Variants in ELF5 observed in about 807,000 individuals in gnomAD.
ELF5 encodes the protein E74 like ETS transcription factor 5.
Under a neutral mutation model 38.2 loss-of-function variants are expected in ELF5, and 31 were observed. The observed-to-expected ratio is 0.81, with a 90% CI of 0.61 to 1.10. The LOEUF (loss-of-function observed/expected upper bound fraction) is 1.10, where lower values mean the gene tolerates loss of function less well. ELF5 is among the 50% of genes least tolerant of loss of function. ELF5 has a pLI of 0.00. For synonymous variants in ELF5, 121 were observed against 112.5 expected (o/e 1.08, Z -0.48); for missense variants, 300 against 306.6 (o/e 0.98, Z 0.16).
chr11:34,498,384 T>C (rs1206957647), intron 2 of ELF5, among the ~76,000 whole-genome samples: 1 of 152,212 alleles, frequency 6.6e-6, no homozygotes, highest in Non-Finnish European at 1.5e-5. Context: ...CCAGCTGCTT[T>C]GTCCCTTTCT....
intron 1 of ELF5, among the ~76,000 whole-genome samples, chr11:34,510,339 G>A (rs1850722520): frequency 6.7e-6 from 1 of 150,036 alleles, no homozygotes; most frequent in Admixed American, 6.6e-5. Flanking sequence ...TGTTACAGCA[G>A]GAGTGGGTGT....
chr11:34,480,083 G>T lies in ELF5; in HGVS notation c.*135C>A. 1.4e-6 allele frequency: 1 copy of T among 699,514 alleles called. No homozygotes were observed. Among genetic ancestry groups the T allele is most frequent in the Non-Finnish European group, 2.4e-6 (1 of 417,934 alleles). The allele number at this position is 699,514 out of a possible 1,614,324, so 43.3% of individuals were successfully genotyped here. A position where few individuals can be genotyped will look rare whatever the true frequency, so the allele number is the denominator to read the frequency against. On this transcript the variant is annotated 3_prime_UTR_variant, in exon 7 of 7. Coordinates refer to ENST00000257832, the MANE Select transcript of ELF5 (RefSeq NM_001422.4). ...AACTCTGAATCCAAATGTAAGCTGA[G>T]ATGTGGAGAAATTTTATCAGCATGT...
At chr11:34,512,104 G>A (rs1183073711) in intron 1 of ELF5, among the ~76,000 whole-genome samples, 1 of 152,148 alleles carries the variant, frequency 6.6e-6, no homozygotes, top group Non-Finnish European at 1.5e-5. Context: ...GCAAGGGAGG[G>A]TCAATTTCCC....
In ELF5 at chr11:34,480,143, C is replaced by T. The variant is rs1856899446; in HGVS notation, c.*75G>A. The T allele has an allele frequency of 8.1e-7, 1 of 1,232,958 alleles. No homozygotes were observed. 76.4% of individuals were successfully genotyped at this position (1,232,958 alleles called of 1,614,324 possible). ...AAAAAAAAAGAGAAGAAAATGAAGC[C>T]TTTCGAATGTCTATTGCAATCTGAT... On this transcript the variant is annotated 3_prime_UTR_variant, in exon 7 of 7. Transcript: ENST00000257832.
In ELF5 at chr11:34,500,513, CAGG is replaced by C. The variant is rs1269466528; in HGVS notation, c.121+5113_121+5115del. On this transcript the variant is annotated intron_variant, in intron 2 of 6. Coordinates refer to ENST00000257832, the MANE Select transcript of ELF5 (RefSeq NM_001422.4). ...AGCATAGGAAACTGTATAGAGAAAA[CAGG>C]AGAAGGGCTGGCTGCAAAGTAGCCA... Among the ~76,000 whole-genome samples the C allele has an allele frequency of 3.3e-5, 5 of 152,174 alleles. No individual in the cohort carries two copies. In the South Asian group the frequency reaches 1.0e-3, roughly 31 times the overall value.
At chr11:34,484,728 A>C (rs937248140) in intron 4 of ELF5, among the ~76,000 whole-genome samples, 5 of 152,114 alleles carry the variant, frequency 3.3e-5, no homozygotes, top group African/African-American at 1.2e-4. Context: ...TGCACATTAG[A>C]TAGGCCTTTC....
intron 6 of ELF5, 49 bp from the exon 7 acceptor site, chr11:34,480,363 A>G (rs1213554648): frequency 3.6e-6 from 5 of 1,399,132 alleles, no homozygotes; most frequent in Non-Finnish European, 5.1e-6. Flanking sequence ...GCACCCTAGG[A>G]AAACAACAGA....
chr11:34,482,499 T>A lies in ELF5; in HGVS notation c.407A>T (p.Tyr136Phe). Residue 136 changes from tyrosine to phenylalanine, a missense_variant and splice_region_variant, in exon 5 of 7, where the codon TAT becomes TTT. Coordinates refer to ENST00000257832, the MANE Select transcript of ELF5 (RefSeq NM_001422.4). ...AEESKATIKD[Y>F]ADSNCLKTSG... ...TGTTTTCAAGCAGTTGGAATCAGCA[T>A]CTGAAATAGAATAATTTATAGCAGT... The A allele has an allele frequency of 6.2e-7, 1 of 1,612,192 alleles. No homozygotes were observed. The highest frequency in any genetic ancestry group is 8.5e-7 in the Non-Finnish European group (1 of 1,179,328).
intron 4 of ELF5, among the ~76,000 whole-genome samples, chr11:34,485,765 G>A (rs1166742159): frequency 6.6e-6 from 1 of 152,128 alleles, no homozygotes. Context: ...GTGGTGGCAG[G>A]GGCAGGGGGC....
At chr11:34,490,945 C>T (rs1270189112) in intron 3 of ELF5, among the ~76,000 whole-genome samples, 1 of 152,104 alleles carries the variant, frequency 6.6e-6, no homozygotes, top group Non-Finnish European at 1.5e-5. Context: ...GGAAGCCAAC[C>T]TCTGACCTTG....
chr11:34,511,540 G>T (rs753068525), intron 1 of ELF5: 1 of 1,614,232 alleles, frequency 6.2e-7, no homozygotes, highest in Admixed American at 1.7e-5. Context: ...TTGGCTGCAG[G>T]TACCTGTGGG....
chr11:34,488,754 C>T (rs1850077093), intron 4 of ELF5, among the ~76,000 whole-genome samples: 1 of 152,188 alleles, frequency 6.6e-6, no homozygotes, highest in African/African-American at 2.4e-5. Context: ...GACACTGACC[C>T]CTGGAGAAAG....
chr11:34,495,691 T>C, intron 2 of ELF5, among the ~76,000 whole-genome samples: 1 of 152,236 alleles, frequency 6.6e-6, no homozygotes, highest in East Asian at 1.9e-4. Flanking sequence ...TTGAGGCTGA[T>C]GTCGTAGCCT....
intron 5 of ELF5, 101 bp downstream of exon 5, chr11:34,482,330 G>T: frequency 1.8e-6 from 2 of 1,095,456 alleles, no homozygotes; most frequent in Non-Finnish European, 2.7e-6. Flanking sequence ...GGAGTAACTG[G>T]TCCAACTCAA....
chr11:34,496,461 T>TCAGCCCCTCCTCAC (rs1850324253), intron 2 of ELF5, among the ~76,000 whole-genome samples: 2 of 152,202 alleles, frequency 1.3e-5, no homozygotes, highest in African/African-American at 2.4e-5. Flanking sequence ...GACGCCGCTG[T>TCAGCCCCTCCTCAC]CAGCCCCTCC....
intron 5 of ELF5, 60 bp from the exon 6 acceptor site, chr11:34,481,027 T>TTAA: frequency 7.8e-7 from 1 of 1,279,796 alleles, no homozygotes; most frequent in Non-Finnish European, 1.0e-6. Flanking sequence ...ATTAATTAAT[T>TTAA]AATTAATTTT....
At chr11:34,497,246 G>A (rs1176628202) in intron 2 of ELF5, among the ~76,000 whole-genome samples, 1 of 152,146 alleles carries the variant, frequency 6.6e-6, no homozygotes. Flanking sequence ...TTTTCTCAAC[G>A]CTTCTATCAT....
At chr11:34,482,238 A>T (rs755359048) in intron 5 of ELF5, among the ~76,000 whole-genome samples, 193 bp downstream of exon 5, 9 of 152,204 alleles carry the variant, frequency 5.9e-5, no homozygotes, top group Non-Finnish European at 1.2e-4. Flanking sequence ...GCTTAATCTC[A>T]CCCACTCGTA....
intron 4 of ELF5, among the ~76,000 whole-genome samples, chr11:34,489,518 C>G (rs1850104308): frequency 6.6e-6 from 1 of 152,196 alleles, no homozygotes; most frequent in Admixed American, 6.5e-5. Flanking sequence ...CCAAGTGAAA[C>G]AGGGAAGGTT....
Sources: allele counts gnomAD v4.1 joint callset (sites outside exome capture counted in the v4.1 genomes callset), GRCh38; gene constraint gnomAD v4.1.1; transcripts MANE v1.5; gene names NCBI Gene and HGNC (gene_info 2026-07-23, HGNC 2026-07-21).